Variants in SIM1 observed in about 807,000 individuals in gnomAD.
The protein encoded by SIM1 is SIM bHLH transcription factor 1.
Under a neutral mutation model 78.2 loss-of-function variants are expected in SIM1, and 18 were observed. That is an observed-to-expected ratio of 0.23 (90% CI 0.16 to 0.34). The LOEUF (loss-of-function observed/expected upper bound fraction) is 0.34. Ranked by LOEUF, SIM1 falls within the 10% of genes least tolerant of loss-of-function variation. The probability of loss-of-function intolerance (pLI) is 1.00; values close to 1 mark genes in which losing one functional copy is unlikely to be tolerated. For synonymous variants in SIM1, 417 were observed against 385.2 expected (o/e 1.08, Z -0.97); for missense variants, 939 against 975.1 (o/e 0.96, Z 0.49).
At chr6:100,412,669 GAGAGAA>G (rs1450856696) in intron 10 of SIM1, among the ~76,000 whole-genome samples, 4 of 117,544 alleles carry the variant, frequency 3.4e-5, no homozygotes, top group African/African-American at 1.3e-4. Context: ...GAGAGAGAGA[GAGAGAA>G]AGAAAGAAAA....
intron 9 of SIM1, among the ~76,000 whole-genome samples, chr6:100,438,748 G>GGT (rs1163613896): frequency 1.3e-5 from 2 of 152,056 alleles, no homozygotes; most frequent in Non-Finnish European, 2.9e-5. Context: ...AAGAAAATGT[G>GGT]GTATATATAT....
At chr6:100,453,703 C>G (rs1213546824) in intron 3 of SIM1, 59 bp downstream of exon 3, 7 of 1,203,162 alleles carry the variant, frequency 5.8e-6, no homozygotes, top group African/African-American at 3.1e-5. Flanking sequence ...AAGCTCAACT[C>G]AGGGCCAGGC....
intron 10 of SIM1, among the ~76,000 whole-genome samples, chr6:100,397,021 C>T (rs909041165): frequency 3.9e-5 from 6 of 152,090 alleles, no homozygotes; most frequent in Admixed American, 1.3e-4. Flanking sequence ...CTGTGCCTGT[C>T]CCTACATCTC....
chr6:100,453,118 A>G (rs1582321891), intron 3 of SIM1, among the ~76,000 whole-genome samples: 1 of 152,248 alleles, frequency 6.6e-6, no homozygotes, highest in South Asian at 2.1e-4. Context: ...GTAGGCAAAG[A>G]GCAAGTTAAA....
intron 7 of SIM1, 58 bp downstream of exon 7, chr6:100,448,421 T>TC: frequency 6.5e-7 from 1 of 1,550,258 alleles, no homozygotes; most frequent in Non-Finnish European, 8.8e-7. Context: ...AATCTCTCAG[T>TC]CACTAAGCAG....
chr6:100,423,678 T>C (rs1178149619), intron 9 of SIM1, among the ~76,000 whole-genome samples: 1 of 152,192 alleles, frequency 6.6e-6, no homozygotes, highest in Non-Finnish European at 1.5e-5. Context: ...TAAGAAAGAT[T>C]GTTTTCCCCA....
At chr6:100,457,633 G>A (rs1034558208) in intron 2 of SIM1, among the ~76,000 whole-genome samples, 2 of 152,138 alleles carry the variant, frequency 1.3e-5, no homozygotes, top group African/African-American at 2.4e-5. Flanking sequence ...GAGCTCTTTA[G>A]AGAAAAAAAG....
At chr6:100,455,908 G>A (rs1457805338) in intron 2 of SIM1, among the ~76,000 whole-genome samples, 1 of 152,160 alleles carries the variant, frequency 6.6e-6, no homozygotes, top group Non-Finnish European at 1.5e-5. Context: ...TGAACTCCCG[G>A]CGCCAGCCTA....
At chr6:100,435,647 A>G (rs1311728245) in intron 9 of SIM1, among the ~76,000 whole-genome samples, 1 of 152,214 alleles carries the variant, frequency 6.6e-6, no homozygotes, top group Non-Finnish European at 1.5e-5. Context: ...CTTATAAAAG[A>G]AAAAAGAAGC....
At chr6:100,429,569 ATC>A (rs942007643) in intron 9 of SIM1, among the ~76,000 whole-genome samples, 4 of 152,224 alleles carry the variant, frequency 2.6e-5, no homozygotes, top group Non-Finnish European at 2.9e-5. Context: ...GTAAAAAATT[ATC>A]TCTCTTTGAC....
chr6:100,450,181 CACCCAGCCCCCA>C, intron 4 of SIM1, 74 bp downstream of exon 4: 3 of 1,090,456 alleles, frequency 2.8e-6, no homozygotes, highest in South Asian at 1.3e-5. Context: ...TAGAGAAGCA[CACCCAGCCCCCA>C]ACCCAGCCCC....
At chr6:100,416,414 A>G (rs753967142) in intron 10 of SIM1, among the ~76,000 whole-genome samples, 12 of 152,202 alleles carry the variant, frequency 7.9e-5, no homozygotes, top group Non-Finnish European at 1.6e-4. Context: ...CTAATGTATA[A>G]TAGTGATAGA....
chr6:100,449,395 G>A lies in SIM1; in HGVS notation c.511C>T (p.Arg171Cys). Reference sequence around the variant, plus strand: ...CCGCCACAGGTGAGGCCGGCGTTACGCTTGGCCAAGACGCACTTCATCCTC... The same window carrying A: ...CCGCCACAGGTGAGGCCGGCGTTACACTTGGCCAAGACGCACTTCATCCTC... ...FLRMKCVLAK[R>C]NAGLTCGGYK... The change falls in exon 6 of 12, where the codon CGT becomes TGT. Residue 171 changes from arginine (R) to cysteine (C), a missense_variant. Physicochemically the swap from Arg to Cys is radical, Grantham distance 180. Transcript: ENST00000369208. 6.2e-7 allele frequency: 1 copy of A among 1,614,014 alleles called. No homozygotes were observed. Among genetic ancestry groups the A allele is most frequent in the Non-Finnish European group, 8.5e-7 (1 of 1,179,948 alleles).
intron 2 of SIM1, among the ~76,000 whole-genome samples, chr6:100,456,522 G>A (rs1279072361): frequency 1.3e-5 from 2 of 152,232 alleles, no homozygotes; most frequent in Non-Finnish European, 2.9e-5. Context: ...AAAGAGAAAA[G>A]GAGCTCTGTG....
chr6:100,407,137 C>A (rs1254232000), intron 10 of SIM1, among the ~76,000 whole-genome samples: 1 of 152,098 alleles, frequency 6.6e-6, no homozygotes, highest in East Asian at 1.9e-4. Context: ...GACAGAATTT[C>A]CTTCTTTTGT....
chr6:100,391,088 C>T lies in SIM1; in HGVS notation c.1574G>A (p.Arg525Gln), dbSNP rs143915709. The T allele has an allele frequency of 3.6e-5, 56 of 1,568,076 alleles. 2 individuals carry two copies. The highest frequency in any genetic ancestry group is 3.2e-4 in the South Asian group (27 of 83,994). ...HIASVHRIHG[R>Q]GHWDEDSVVS... ...CACACTATCTTCATCCCAATGACCT[C>T]GCCCTAAAAATTAGAAAAAGTCAAA... The change falls in exon 12 of 12, where the codon CGA (arginine) becomes CAA (glutamine). Residue 525 changes from arginine to glutamine, a missense_variant. Arg to Gln is a conservative substitution (Grantham distance 43). This residue lies in a region of SIM1 where 556 missense variants were observed against 521.9 expected (regional missense o/e 1.07). Transcript: ENST00000369208.
At chr6:100,427,431 C>T (rs1053231606) in intron 9 of SIM1, among the ~76,000 whole-genome samples, 1 of 152,182 alleles carries the variant, frequency 6.6e-6, no homozygotes, top group Non-Finnish European at 1.5e-5. Flanking sequence ...CTTTCTTCTC[C>T]ACTTTGAAGG....
At chr6:100,431,636 T>C (rs1236221137) in intron 9 of SIM1, among the ~76,000 whole-genome samples, 2 of 152,198 alleles carry the variant, frequency 1.3e-5, no homozygotes, top group Admixed American at 6.5e-5. Flanking sequence ...TTTCATTGTC[T>C]CTATCCTTGA....
intron 9 of SIM1, among the ~76,000 whole-genome samples, chr6:100,445,253 T>C (rs1772326359): frequency 6.6e-6 from 1 of 152,212 alleles, no homozygotes; most frequent in South Asian, 2.1e-4. Context: ...CATTTGCAGC[T>C]ATAAAAATTG....
Sources: gnomAD v4.1 joint callset for allele counts (sites outside exome capture counted in the v4.1 genomes callset) on GRCh38, gnomAD v4.1.1 for gene constraint, gnomAD v4.1.1 regional missense constraint, MANE v1.5 for transcripts, NCBI Gene and HGNC (gene_info 2026-07-23, HGNC 2026-07-21) for gene names.